The following TMEM74B variants were observed in gnomAD, a reference collection of about 807,000 sequenced individuals.
The protein encoded by TMEM74B is transmembrane protein 74B.
Under a neutral mutation model 6.5 loss-of-function variants are expected in TMEM74B, and 7 were observed. The ratio of observed to expected loss-of-function variants is 1.07; its 90% confidence interval spans 0.61 to 2.01. TMEM74B has a LOEUF of 2.01. TMEM74B is among the 30% of genes most tolerant of loss of function. The probability of loss-of-function intolerance (pLI) is 0.00; values close to 1 mark genes in which losing one functional copy is unlikely to be tolerated. For synonymous variants in TMEM74B, 151 were observed against 151.6 expected (o/e 1.00, Z 0.03); for missense variants, 342 against 337.0 (o/e 1.01, Z -0.12).
chr20:1,182,032 C>T lies in TMEM74B; in HGVS notation c.32-445G>A, dbSNP rs539271604. On this transcript the variant is annotated intron_variant, in intron 2 of 2. Coordinates refer to ENST00000429036, the MANE Select transcript of TMEM74B (RefSeq NM_001304748.2). The stretch of plus-strand genomic sequence containing the variant: ...ACTTGGGCTTGGGCAAGTGATGTGA[C>T]CTCTCCAGATTCGGTCTTCATCTTA... Among the ~76,000 whole-genome samples the T allele has an allele frequency of 2.0e-5, 3 of 152,294 alleles. No individual in the cohort carries two copies. The South Asian group carries it at 6.2e-4, about 32-fold the overall frequency.
upstream of TMEM74B, chr20:1,186,605 A>G (rs937418747): frequency 1.3e-5 from 2 of 152,282 alleles, no homozygotes; most frequent in African/African-American, 2.4e-5. Flanking sequence ...ATGTGGAAGG[A>G]CAGGCGAATG....
In TMEM74B at chr20:1,181,243, C is replaced by T. The variant is rs377316018; in HGVS notation, c.376G>A (p.Ala126Thr). Residue 126 changes from alanine (A) to threonine (T), a missense_variant, in exon 3 of 3, where the codon GCC (alanine) becomes ACC (threonine). Coordinates refer to ENST00000429036, the MANE Select transcript of TMEM74B (RefSeq NM_001304748.2). The surrounding 1 kb of genome is among the most constrained non-coding windows in gnomAD (Gnocchi z 4.9). ...SRPVDYGFVS[A>T]LVFLVSGILL... ...ATCCCACTCACCAGGAAAACGAGGG[C>T]GGAAACAAAGCCATAATCCACCGGG... is the stretch of plus-strand genomic sequence containing the variant. 51 of 1,613,938 alleles carry T rather than the reference C, an allele frequency of 3.2e-5. No homozygotes were observed. Among genetic ancestry groups the T allele is most frequent in the Middle Eastern group, 1.6e-4 (1 of 6,080 alleles).
chr20:1,183,680 T>C, intron 2 of TMEM74B, 91 bp downstream of exon 2: 2 of 1,511,138 alleles, frequency 1.3e-6, no homozygotes, highest in Non-Finnish European at 1.8e-6. Context: ...CTCTATTTCA[T>C]AAAACATGGC....
chr20:1,181,415 C>A lies in TMEM74B; in HGVS notation c.204G>T (p.Glu68Asp). ...CAGGGTTCTGGAAATGGGTCTCATG[C>A]TCCTCTGAGGAGAAGCAGGCATTCT... The part of the protein sequence containing the change: ...GVENACFSSE[E>D]HETHFQNPGN... Residue 68 changes from glutamate (E) to aspartate (D), a missense_variant, in exon 3 of 3, where the codon GAG becomes GAT. Transcript: ENST00000429036. This position sits in a 1 kb window ranked among gnomAD's most constrained non-coding sequence, Gnocchi z 4.9. The A allele has an allele frequency of 6.6e-7, 1 of 1,526,710 alleles. No individual in the cohort carries two copies. 94.6% of individuals were successfully genotyped at this position (1,526,710 alleles called of 1,614,324 possible).
At chr20:1,188,458 C>G (rs2087044574), upstream of TMEM74B, among the ~76,000 whole-genome samples, 2 of 146,792 alleles carry the variant, frequency 1.4e-5, no homozygotes, top group Admixed American at 6.8e-5. Context: ...CACACACACT[C>G]TACACACACT....
rs1209575189 is a variant in TMEM74B at position 1,184,160 on chromosome 20, A to AT, written c.-148+141dup. The AT allele has an allele frequency of 4.6e-6, 1 of 219,320 alleles. No individual in the cohort carries two copies. Among genetic ancestry groups the AT allele is most frequent in the Non-Finnish European group, 9.0e-6 (1 of 111,368 alleles). The allele number at this position is 219,320 out of a possible 1,614,324, so 13.6% of individuals were successfully genotyped here. A position where few individuals can be genotyped will look rare whatever the true frequency, so the allele number is the denominator to read the frequency against. ...CCAGGAACCCCTTTCCCAGACTGAT[A>AT]TATTGATGCCTCCACACCCTGGAAG... On this transcript the variant is annotated intron_variant, in intron 1 of 2. Coordinates refer to ENST00000429036, the MANE Select transcript of TMEM74B (RefSeq NM_001304748.2). This position sits in a 1 kb window ranked among gnomAD's most constrained non-coding sequence, Gnocchi z 6.0.
intron 2 of TMEM74B, among the ~76,000 whole-genome samples, chr20:1,182,140 C>T (rs977234929): frequency 2.1e-5 from 3 of 146,216 alleles, no homozygotes; most frequent in African/African-American, 5.1e-5. Flanking sequence ...AAGACCCTGG[C>T]CAGTGCAATC....
chr20:1,183,316 T>TTTGTGTGTGTGTG (rs2086927065), intron 2 of TMEM74B, among the ~76,000 whole-genome samples: 1 of 95,578 alleles, frequency 1.0e-5, no homozygotes, highest in East Asian at 2.6e-4. Context: ...GTGTGTGTGT[T>TTTGTGTGTGTGTG]TGTGTGTGTG....
In TMEM74B at chr20:1,183,777, ACTCATAC is replaced by A. The variant is rs1362710912; in HGVS notation, c.18_24del (p.Tyr7LeufsTer25). 3 of 1,613,582 alleles carry A rather than the reference ACTCATAC, an allele frequency of 1.9e-6. No homozygotes were observed. In the African/African-American group the frequency reaches 4.0e-5, roughly 22 times the overall value. On this transcript the variant is annotated frameshift_variant, in exon 2 of 3. Coordinates refer to ENST00000429036, the MANE Select transcript of TMEM74B (RefSeq NM_001304748.2). LOFTEE classifies it high-confidence loss of function. ...ATTATTATCATGTACAAACCTGCAA[ACTCATAC>A]CCCTGTGCTGGTGGCATCACTCCAC...
At chr20:1,183,318 G>GTGTGTGTT (rs2086927858) in intron 2 of TMEM74B, among the ~76,000 whole-genome samples, 1 of 126,626 alleles carries the variant, frequency 7.9e-6, no homozygotes, top group Admixed American at 8.7e-5. Flanking sequence ...GTGTGTGTTT[G>GTGTGTGTT]TGTGTGTGTG....
chr20:1,183,443 A>G (rs1383227822), intron 2 of TMEM74B, among the ~76,000 whole-genome samples: 1 of 152,172 alleles, frequency 6.6e-6, no homozygotes, highest in South Asian at 2.1e-4. Flanking sequence ...CTTCTTGTCA[A>G]TATGGACTAG....
rs151290339 is a variant in TMEM74B, at chr20:1,181,244, G to A, written c.375C>T (p.Ser125=). ...TCCCACTCACCAGGAAAACGAGGGC[G>A]GAAACAAAGCCATAATCCACCGGGC... ...VSRPVDYGFV[S]ALVFLVSGIL... Residue 125 remains serine, a synonymous_variant, in exon 3 of 3, where the codon TCC becomes TCT. Coordinates refer to ENST00000429036, the MANE Select transcript of TMEM74B (RefSeq NM_001304748.2). This position sits in a 1 kb window ranked among gnomAD's most constrained non-coding sequence, Gnocchi z 4.9. 9.3e-6 allele frequency: 15 copies of A among 1,614,114 alleles called. No individual in the cohort carries two copies. The highest frequency in any genetic ancestry group is 4.0e-5 in the African/African-American group (3 of 75,040).
upstream of TMEM74B, among the ~76,000 whole-genome samples, chr20:1,185,760 A>G (rs2087008785): frequency 6.6e-6 from 1 of 151,596 alleles, no homozygotes; most frequent in Admixed American, 6.6e-5. Context: ...GAGAGCCCCT[A>G]TTGCGCCAAG....
chr20:1,188,698 A>G (rs941099710), upstream of TMEM74B, among the ~76,000 whole-genome samples: 1 of 152,094 alleles, frequency 6.6e-6, no homozygotes, highest in East Asian at 1.9e-4. Context: ...TGGGGGTAGG[A>G]GCTAACTGAA....
intron 2 of TMEM74B, among the ~76,000 whole-genome samples, chr20:1,182,162 T>C (rs776700824): frequency 1.4e-5 from 2 of 144,710 alleles, no homozygotes; most frequent in Admixed American, 1.4e-4. Flanking sequence ...ATGGACCTTG[T>C]TGTATGAGGG....
chr20:1,183,318 G>GTT (rs1425585655), intron 2 of TMEM74B, among the ~76,000 whole-genome samples: 5 of 126,624 alleles, frequency 3.9e-5, no homozygotes, highest in African/African-American at 1.4e-4. Flanking sequence ...GTGTGTGTTT[G>GTT]TGTGTGTGTG....
chr20:1,181,406 G>A lies in TMEM74B; in HGVS notation c.213C>T (p.Thr71=), dbSNP rs1216725641. The change falls in exon 3 of 3, where the codon ACC becomes ACT. Residue 71 remains threonine, a synonymous_variant. Transcript: ENST00000429036. This position sits in a 1 kb window ranked among gnomAD's most constrained non-coding sequence, Gnocchi z 4.9. The stretch of plus-strand genomic sequence containing the variant: ...TCGTGTTCCCAGGGTTCTGGAAATG[G>A]GTCTCATGCTCCTCTGAGGAGAAGC... ...NACFSSEEHE[T]HFQNPGNTRL... 1.9e-5 allele frequency: 29 copies of A among 1,527,350 alleles called. No individual in the cohort carries two copies. The highest frequency in any genetic ancestry group is 2.5e-5 in the Non-Finnish European group (28 of 1,137,216). The allele number at this position is 1,527,350 out of a possible 1,614,324, so 94.6% of individuals were successfully genotyped here.
Position 1,181,243 on chromosome 20 carries a change from C to A in TMEM74B, c.376G>T (p.Ala126Ser). 8 of 1,614,060 alleles carry A rather than the reference C, an allele frequency of 5.0e-6. No individual in the cohort carries two copies. Among genetic ancestry groups the A allele is most frequent in the South Asian group, 1.1e-5 (1 of 91,040 alleles). The part of the protein sequence containing the change: ...SRPVDYGFVS[A>S]LVFLVSGILL... ...ATCCCACTCACCAGGAAAACGAGGG[C>A]GGAAACAAAGCCATAATCCACCGGG... The change falls in exon 3 of 3, where the codon GCC becomes TCC. Residue 126 changes from alanine to serine, a missense_variant. Coordinates refer to ENST00000429036, the MANE Select transcript of TMEM74B (RefSeq NM_001304748.2). The surrounding 1 kb of genome is among the most constrained non-coding windows in gnomAD (Gnocchi z 4.9).
chr20:1,182,906 T>C (rs1380797930), intron 2 of TMEM74B, among the ~76,000 whole-genome samples: 1 of 152,256 alleles, frequency 6.6e-6, no homozygotes, highest in African/African-American at 2.4e-5. Flanking sequence ...ACATTTTAAA[T>C]GTTGGATTCC....
Sources: allele counts gnomAD v4.1 joint callset (sites outside exome capture counted in the v4.1 genomes callset), GRCh38; gene constraint gnomAD v4.1.1; non-coding constraint Gnocchi (gnomAD v3.1); transcripts MANE v1.5; gene names NCBI Gene and HGNC (gene_info 2026-07-23, HGNC 2026-07-21).